Variants in CNTN4 observed in about 807,000 individuals in gnomAD.
CNTN4 encodes contactin 4.
CNTN4 carries 77 observed loss-of-function variants against 122.5 expected under a neutral mutation model. That is an observed-to-expected ratio of 0.63 (90% CI 0.52 to 0.76). The LOEUF is 0.76. CNTN4 is among the 30% of genes least tolerant of loss of function. The pLI, the probability that CNTN4 is intolerant of heterozygous loss-of-function variation, is 0.00. For missense variants in CNTN4, 1,256 were observed against 1,259.1 expected, an observed-to-expected ratio of 1.00 and a Z score of 0.04; for synonymous variants, 512 against 447.0, an observed-to-expected ratio of 1.15 and a Z score of -1.83.
intron 23 of CNTN4, among the ~76,000 whole-genome samples, chr3:3,048,786 G>A (rs1473075868): frequency 6.6e-6 from 1 of 152,144 alleles, no homozygotes; most frequent in Admixed American, 6.5e-5. Context: ...ATGTTGGGGT[G>A]TGGGTTTATT....
At chr3:2,695,190 C>A (rs2085956755) in intron 4 of CNTN4, among the ~76,000 whole-genome samples, 1 of 151,972 alleles carries the variant, frequency 6.6e-6, no homozygotes, top group Non-Finnish European at 1.5e-5. Context: ...TATATTTGGG[C>A]CCTTTGATTT....
chr3:2,318,898 C>T lies in CNTN4; in HGVS notation c.-144-20280C>T, dbSNP rs542460448. Among the ~76,000 whole-genome samples the T allele has an allele frequency of 6.6e-5, 10 of 152,266 alleles. No homozygotes were observed. In the East Asian group the frequency reaches 9.7e-4, roughly 15 times the overall value. On this transcript the variant is annotated intron_variant, in intron 2 of 24. Coordinates refer to ENST00000418658, the MANE Select transcript of CNTN4 (RefSeq NM_175607.3). ...GCTCAAGCAGTCCTCCCCACTTGGC[C>T]GCCCAAGTTGGGGATAACCCCACTT...
chr3:2,430,145 C>T (rs1201985977), intron 3 of CNTN4, among the ~76,000 whole-genome samples: 5 of 151,984 alleles, frequency 3.3e-5, no homozygotes, highest in South Asian at 2.1e-4. Context: ...AGAAATTGGC[C>T]GGGCTCAGTG....
intron 6 of CNTN4, among the ~76,000 whole-genome samples, chr3:2,769,970 G>A (rs1553634618): frequency 6.6e-6 from 1 of 151,820 alleles, no homozygotes; most frequent in Non-Finnish European, 1.5e-5. Context: ...ATGTCCTGTT[G>A]CTGAAGAACA....
At chr3:2,157,941 A>G (rs977915816) in intron 2 of CNTN4, among the ~76,000 whole-genome samples, 1 of 152,244 alleles carries the variant, frequency 6.6e-6, no homozygotes, top group South Asian at 2.1e-4. Flanking sequence ...ATCAAAACCA[A>G]TTAAAGGAAC....
At chr3:2,810,883 A>G (rs992024112) in intron 6 of CNTN4, among the ~76,000 whole-genome samples, 5 of 152,306 alleles carry the variant, frequency 3.3e-5, no homozygotes, top group Admixed American at 1.3e-4. Flanking sequence ...AAACTCAGGC[A>G]GTTGGAGAGA....
At chr3:3,002,717 G>A (rs1219603160) in intron 14 of CNTN4, among the ~76,000 whole-genome samples, 2 of 151,938 alleles carry the variant, frequency 1.3e-5, no homozygotes, top group African/African-American at 4.8e-5. Context: ...AGAAGAAGTT[G>A]GAATAAAGCA....
intron 4 of CNTN4, among the ~76,000 whole-genome samples, chr3:2,630,210 G>A (rs139899249): frequency 0.013 from 2,008 of 152,242 alleles, 40 homozygotes; most frequent in African/African-American, 0.046. Flanking sequence ...CAAGGCTGGC[G>A]GATCACTTGA....
At chr3:2,212,127 A>T (rs913021464) in intron 2 of CNTN4, among the ~76,000 whole-genome samples, 1 of 151,932 alleles carries the variant, frequency 6.6e-6, no homozygotes, top group South Asian at 2.1e-4. Context: ...GTGTGCCACC[A>T]TACCTGGCTA....
At chr3:2,719,703 C>A (rs62232729) in intron 4 of CNTN4, among the ~76,000 whole-genome samples, 1 of 151,898 alleles carries the variant, frequency 6.6e-6, no homozygotes, top group Admixed American at 6.6e-5. Flanking sequence ...GGATTACAGG[C>A]GTGAGCCACC....
intron 3 of CNTN4, among the ~76,000 whole-genome samples, chr3:2,441,117 C>T (rs1051744563): frequency 3.3e-5 from 5 of 151,738 alleles, no homozygotes; most frequent in Admixed American, 2.6e-4. Flanking sequence ...TTTTGGGCAC[C>T]ATTCACTTAT....
At position 2,340,709 on chromosome 3, in the gene CNTN4, A is replaced by ATATATG. The variant is rs1401975406; in HGVS notation, c.-89+1478_-89+1479insTATGTA. On this transcript the variant is annotated intron_variant, in intron 3 of 24. Transcript: ENST00000418658. ...TTTATATATATATATATATATATAT[A>ATATATG]TAGAGAGAGAGAGAGAGAGAGAGAG... Among the ~76,000 whole-genome samples, 145 of 101,350 alleles carry ATATATG rather than the reference A, an allele frequency of 1.4e-3. 1 individual carries two copies. The highest frequency in any genetic ancestry group is 5.0e-3 in the African/African-American group (139 of 27,686). The allele number at this position is 101,350 out of a possible 152,430, so 66.5% of individuals were successfully genotyped here. A position where few individuals can be genotyped will look rare whatever the true frequency, so the allele number is the denominator to read the frequency against.
chr3:2,405,739 A>T (rs1382467831), intron 3 of CNTN4, among the ~76,000 whole-genome samples: 1 of 152,118 alleles, frequency 6.6e-6, no homozygotes, highest in Non-Finnish European at 1.5e-5. Context: ...CACTATGTTA[A>T]TGGCTGGGCA....
chr3:2,500,205 C>G (rs909112047), intron 3 of CNTN4, among the ~76,000 whole-genome samples: 1 of 151,844 alleles, frequency 6.6e-6, no homozygotes, highest in African/African-American at 2.4e-5. Context: ...TGAATAATAC[C>G]AGGAGTTTAA....
intron 4 of CNTN4, among the ~76,000 whole-genome samples, chr3:2,582,400 C>A (rs1039163274): frequency 2.0e-5 from 3 of 152,102 alleles, no homozygotes; most frequent in African/African-American, 7.2e-5. Flanking sequence ...AAACTGTAAT[C>A]CCAATCTGTC....
chr3:2,863,444 CT>C (rs5846228), intron 7 of CNTN4, among the ~76,000 whole-genome samples: 30,801 of 92,040 alleles, frequency 0.33, 4,526 homozygotes, highest in East Asian at 0.63. Context: ...ATGGTTTCTT[CT>C]TTTTTTTTTT....
rs1559557442 is a variant in CNTN4, at chr3:2,834,897, C to CCTTTTTTTTTTTTTT, written c.454+15317_454+15331dup. On this transcript the variant is annotated intron_variant, in intron 7 of 24. Coordinates refer to ENST00000418658, the MANE Select transcript of CNTN4 (RefSeq NM_175607.3). Reference sequence around the variant, plus strand: ...AAAGCATTAAATTAGATAAAGGCAACCTTTTTTTTTTTTTTTTTTTTTTTT... The same window carrying CCTTTTTTTTTTTTTT: ...AAAGCATTAAATTAGATAAAGGCAACCTTTTTTTTTTTTTTCTTTTTTTTTTTTTTTTTTTTTTTT... Among the ~76,000 whole-genome samples the CCTTTTTTTTTTTTTT allele has an allele frequency of 3.0e-3, 239 of 79,942 alleles. 11 individuals carry two copies. Among genetic ancestry groups the CCTTTTTTTTTTTTTT allele is most frequent in the African/African-American group, 0.013 (228 of 18,000 alleles). The allele number at this position is 79,942 out of a possible 152,430, so 52.4% of individuals were successfully genotyped here. A position where few individuals can be genotyped will look rare whatever the true frequency, so the allele number is the denominator to read the frequency against.
chr3:2,561,033 C>CTG (rs2078930074), intron 3 of CNTN4, among the ~76,000 whole-genome samples: 1 of 152,196 alleles, frequency 6.6e-6, no homozygotes, highest in Non-Finnish European at 1.5e-5. Context: ...AATCAGCAAG[C>CTG]TGTGCGTAAT....
intron 14 of CNTN4, among the ~76,000 whole-genome samples, chr3:3,012,811 A>G (rs997420038): frequency 6.6e-6 from 1 of 151,984 alleles, no homozygotes; most frequent in Admixed American, 6.5e-5. Context: ...TCTACTAAAA[A>G]TACAAAATTA....
Sources: allele counts gnomAD v4.1 joint callset (sites outside exome capture counted in the v4.1 genomes callset), GRCh38; gene constraint gnomAD v4.1.1; transcripts MANE v1.5; gene names NCBI Gene and HGNC (gene_info 2026-07-23, HGNC 2026-07-21).